Variants in PTPN11 observed in about 807,000 individuals in gnomAD.
The protein encoded by PTPN11 is tyrosine-protein phosphatase non-receptor type 11.
In PTPN11, 6 loss-of-function variants were observed where a neutral mutation model predicts 78.8. The observed-to-expected ratio is 0.08, with a 90% CI of 0.04 to 0.15. The LOEUF (loss-of-function observed/expected upper bound fraction) is 0.15. PTPN11 is among the 10% of genes least tolerant of loss of function. The pLI is 1.00. For synonymous variants in PTPN11, 221 were observed against 263.5 expected (o/e 0.84, Z 1.56); for missense variants, 386 against 744.8 (o/e 0.52, Z 5.61).
At chr12:112,448,893 T>G (rs2038033946) in intron 2 of PTPN11, among the ~76,000 whole-genome samples, 1 of 152,120 alleles carries the variant, frequency 6.6e-6, no homozygotes, top group Non-Finnish European at 1.5e-5. Flanking sequence ...ATTTTTATTT[T>G]TATTTTTTTT....
At chr12:112,500,490 T>A (rs1046345937) in intron 13 of PTPN11, among the ~76,000 whole-genome samples, 1 of 152,198 alleles carries the variant, frequency 6.6e-6, no homozygotes, top group African/African-American at 2.4e-5. Flanking sequence ...ATGTCTGTTT[T>A]GCAGCTTCTT....
At chr12:112,492,619 G>C (rs997353919) in intron 13 of PTPN11, among the ~76,000 whole-genome samples, 3 of 151,580 alleles carry the variant, frequency 2.0e-5, no homozygotes, top group Non-Finnish European at 4.4e-5. Flanking sequence ...CCGGGTTGAC[G>C]CCATTCTCCT....
At chr12:112,453,118 G>A in intron 3 of PTPN11, 77 bp from the exon 4 acceptor site, 2 of 1,228,658 alleles carry the variant, frequency 1.6e-6, no homozygotes, top group Non-Finnish European at 1.2e-6. Flanking sequence ...AGAGCTGACT[G>A]TATACAGTAG....
At chr12:112,437,597 C>T (rs2037814444) in intron 1 of PTPN11, among the ~76,000 whole-genome samples, 1 of 152,110 alleles carries the variant, frequency 6.6e-6, no homozygotes, top group African/African-American at 2.4e-5. Flanking sequence ...TACCATTGGT[C>T]TCTGTTGTTT....
intron 1 of PTPN11, among the ~76,000 whole-genome samples, chr12:112,420,496 A>G (rs1486874412): frequency 6.6e-6 from 1 of 151,982 alleles, no homozygotes; most frequent in Non-Finnish European, 1.5e-5. Flanking sequence ...CAGGCGCACC[A>G]CTATGCCCGG....
intron 5 of PTPN11, among the ~76,000 whole-genome samples, chr12:112,455,297 G>A (rs992974696): frequency 6.8e-5 from 10 of 146,470 alleles, no homozygotes; most frequent in South Asian, 6.5e-4. Flanking sequence ...GTGCAGTGGC[G>A]TGTTCTTGGC....
chr12:112,454,454 TCTATATACTAG>T, intron 4 of PTPN11, 99 bp from the exon 5 acceptor site: 1 of 845,158 alleles, frequency 1.2e-6, no homozygotes, highest in South Asian at 1.4e-5. Flanking sequence ...TTAAGTTGTC[TCTATATACTAG>T]CTATTGTGAA....
chr12:112,467,217 T>C (rs1364380792), intron 6 of PTPN11, among the ~76,000 whole-genome samples: 1 of 152,196 alleles, frequency 6.6e-6, no homozygotes, highest in Non-Finnish European at 1.5e-5. Context: ...ATGTACAACA[T>C]GGATCAGGAC....
At chr12:112,473,254 A>C (rs955350602) in intron 7 of PTPN11, among the ~76,000 whole-genome samples, 1 of 152,154 alleles carries the variant, frequency 6.6e-6, no homozygotes, top group Non-Finnish European at 1.5e-5. Flanking sequence ...TAAAGTTGCC[A>C]CTAGGTGGCT....
At chr12:112,456,346 A>G (rs766600293) in intron 6 of PTPN11, among the ~76,000 whole-genome samples, 6 of 152,182 alleles carry the variant, frequency 3.9e-5, no homozygotes, top group African/African-American at 7.2e-5. Context: ...CAGAGAAACA[A>G]AAGGATCTAA....
Position 112,454,595 on chromosome 12 carries a change from G to T in PTPN11, c.557G>T (p.Arg186Leu). The T allele has an allele frequency of 6.2e-7, 1 of 1,613,686 alleles. No homozygotes were observed. The highest frequency in any genetic ancestry group is 8.5e-7 in the Non-Finnish European group (1 of 1,179,744). Reference sequence around the variant, plus strand: ...AAATACGACGTTGGTGGAGGAGAACGGTTTGATTCTTTGACAGATCTTGTG... The same window carrying T: ...AAATACGACGTTGGTGGAGGAGAACTGTTTGATTCTTTGACAGATCTTGTG... Reference protein sequence around the residue: ...ELKYDVGGGERFDSLTDLVEH... With the variant: ...ELKYDVGGGELFDSLTDLVEH... The change falls in exon 5 of 16, where the codon CGG (arginine) becomes CTG (leucine). Residue 186 changes from arginine to leucine, a missense_variant. Around this residue, in one of 3 missense-constraint regions of PTPN11, gnomAD observed 279 missense variants for 503.3 expected, o/e 0.55. Coordinates refer to ENST00000351677, the MANE Select transcript of PTPN11 (RefSeq NM_002834.5).
At chr12:112,420,370 G>T (rs2037503964) in intron 1 of PTPN11, among the ~76,000 whole-genome samples, 1 of 151,400 alleles carries the variant, frequency 6.6e-6, no homozygotes, top group Non-Finnish European at 1.5e-5. Context: ...TTTGGAGACG[G>T]AGGCTCACTC....
intron 6 of PTPN11, among the ~76,000 whole-genome samples, chr12:112,472,044 T>G (rs1222145703): frequency 6.6e-6 from 1 of 152,240 alleles, no homozygotes; most frequent in Non-Finnish European, 1.5e-5. Flanking sequence ...TTTGTCATGT[T>G]GGCCAGGCTG....
intron 6 of PTPN11, among the ~76,000 whole-genome samples, chr12:112,467,207 A>G (rs1290928337): frequency 6.6e-6 from 1 of 152,192 alleles, no homozygotes; most frequent in East Asian, 1.9e-4. Flanking sequence ...GGGTACTCAC[A>G]TGTACAACAT....
intron 1 of PTPN11, among the ~76,000 whole-genome samples, chr12:112,438,390 C>A (rs1168388820): frequency 6.6e-6 from 1 of 152,038 alleles, no homozygotes; most frequent in African/African-American, 2.4e-5. Flanking sequence ...GCGTCTTGAT[C>A]ATAGCTTACT....
chr12:112,484,384 C>T (rs1017292341), intron 10 of PTPN11, among the ~76,000 whole-genome samples: 5 of 152,200 alleles, frequency 3.3e-5, no homozygotes, highest in African/African-American at 9.6e-5. Flanking sequence ...TTGTCCAGGC[C>T]GAGGGCTTTG....
At position 112,505,840 on chromosome 12, in the gene PTPN11, C is replaced by T. The variant is rs1044921022; in HGVS notation, c.*48C>T. On this transcript the variant is annotated 3_prime_UTR_variant, in exon 16 of 16. Transcript: ENST00000351677. The stretch of plus-strand genomic sequence containing the variant: ...TCTTCCCCAGATGTGGACTTTCACC[C>T]TCTCCCTAAAAAGATCAAGAACAGA... 31 of 154,410 alleles carry T rather than the reference C, an allele frequency of 2.0e-4. No individual in the cohort carries two copies. Among genetic ancestry groups the T allele is most frequent in the African/African-American group, 7.5e-4 (31 of 41,414 alleles). The allele number at this position is 154,410 out of a possible 1,614,324, so 9.6% of individuals were successfully genotyped here.
chr12:112,499,133 G>A (rs1450537279), intron 13 of PTPN11, among the ~76,000 whole-genome samples: 2 of 152,016 alleles, frequency 1.3e-5, no homozygotes, highest in South Asian at 2.1e-4. Flanking sequence ...ACAGCAGTGG[G>A]TATATAGTTA....
At chr12:112,483,489 C>A (rs1029167742) in intron 10 of PTPN11, among the ~76,000 whole-genome samples, 1 of 152,164 alleles carries the variant, frequency 6.6e-6, no homozygotes, top group Non-Finnish European at 1.5e-5. Flanking sequence ...CCAGCGCACC[C>A]GGCCAAGGGA....
Sources: gnomAD v4.1 joint callset for allele counts (sites outside exome capture counted in the v4.1 genomes callset) on GRCh38, gnomAD v4.1.1 for gene constraint, gnomAD v4.1.1 regional missense constraint, MANE v1.5 for transcripts, NCBI Gene and HGNC (gene_info 2026-07-23, HGNC 2026-07-21) for gene names.